Variants in CIZ1 observed in about 807,000 individuals in gnomAD.
The protein encoded by CIZ1 is cip1-interacting zinc finger protein.
A neutral mutation model predicts 118.6 loss-of-function variants in CIZ1; 58 were observed. That is an observed-to-expected ratio of 0.49 (90% CI 0.40 to 0.61). CIZ1 has a LOEUF of 0.61. CIZ1 is among the 20% of genes least tolerant of loss of function. CIZ1 has a pLI of 0.00. For missense variants in CIZ1, 921 were observed against 1,115.9 expected (o/e 0.83, Z 2.49); for synonymous variants, 448 against 443.4 (o/e 1.01, Z -0.13).
In CIZ1 at chr9:128,174,950, G is replaced by C. The variant is rs145286381; in HGVS notation, c.1943+1401C>G. Among the ~76,000 whole-genome samples, 1,412 of 152,274 alleles carry C rather than the reference G, an allele frequency of 9.3e-3. 25 individuals are homozygous for C. Among genetic ancestry groups the C allele is most frequent in the African/African-American group, 0.032 (1,324 of 41,540 alleles). On this transcript the variant is annotated intron_variant, in intron 11 of 16. Coordinates refer to ENST00000372938, the MANE Select transcript of CIZ1 (RefSeq NM_001131016.2). The stretch of plus-strand genomic sequence containing the variant: ...TAGGATTACAGGCCTGAGCCACTGC[G>C]CCTGACCATAATGTTCTTGATGGCC...
intron 5 of CIZ1, among the ~76,000 whole-genome samples, chr9:128,182,006 G>T (rs541393850): frequency 5.3e-4 from 81 of 152,322 alleles, no homozygotes; most frequent in Admixed American, 1.0e-3. Flanking sequence ...AATAGTCCCT[G>T]ATATGCAGAA....
In CIZ1 at chr9:128,190,453, T is replaced by G. The variant is rs768275804; in HGVS notation, c.171-9A>C. 48 of 1,594,608 alleles carry G rather than the reference T, an allele frequency of 3.0e-5. No individual in the cohort carries two copies. The highest frequency in any genetic ancestry group is 3.6e-5 in the Non-Finnish European group (42 of 1,165,118). The stretch of plus-strand genomic sequence containing the variant: ...GCTGCGGGGGGAGCCCCCTGTGTGT[T>G]GGGAGGGGGTGTCAGAGGGTTATTT... On this transcript the variant is annotated splice_polypyrimidine_tract_variant and intron_variant, in intron 2 of 16. Coordinates refer to ENST00000372938, the MANE Select transcript of CIZ1 (RefSeq NM_001131016.2).
chr9:128,170,251 T>C, intron 11 of CIZ1, 144 bp from the exon 12 acceptor site: 2 of 718,292 alleles, frequency 2.8e-6, no homozygotes, highest in Non-Finnish European at 4.7e-6. Context: ...CTGAGGTTCA[T>C]CTGGATGAGT....
Position 128,166,745 on chromosome 9 carries a change from G to A in CIZ1, c.2487+14C>T, listed in dbSNP as rs942060545. On this transcript the variant is annotated intron_variant, in intron 16 of 16. Transcript: ENST00000372938. The surrounding 1 kb of genome is among the most constrained non-coding windows in gnomAD (Gnocchi z 4.4). ...CTGTGGCCAGGGGAGGACAGGGCAG[G>A]ATGTCCGGCTCACCTGCAGGTTCTC... 38 of 1,614,052 alleles carry A rather than the reference G, an allele frequency of 2.4e-5. No individual in the cohort carries two copies. The highest frequency in any genetic ancestry group is 3.1e-5 in the Non-Finnish European group (36 of 1,180,020).
intron 1 of CIZ1, chr9:128,198,286 A>C (rs910391918): frequency 6.6e-6 from 1 of 152,324 alleles, no homozygotes; most frequent in African/African-American, 2.4e-5. Flanking sequence ...CCATTCCAGC[A>C]GGATGATCCC....
chr9:128,180,115 T>C (rs1006676994), intron 7 of CIZ1, among the ~76,000 whole-genome samples: 4 of 152,140 alleles, frequency 2.6e-5, no homozygotes, highest in Non-Finnish European at 5.9e-5. Flanking sequence ...ATGTATCCAA[T>C]TGGCTTTGTA....
rs1395427050 is a variant in CIZ1, at chr9:128,172,209, C to T, written c.1944-2102G>A. On this transcript the variant is annotated intron_variant, in intron 11 of 16. Transcript: ENST00000372938. ...AGAAAAGCCAAATACATGTAAAACC[C>T]TGGCTGGGCATGGTGGCTCACGCCT... Among the ~76,000 whole-genome samples, 5 of 150,182 alleles carry T rather than the reference C, an allele frequency of 3.3e-5. No individual in the cohort carries two copies. The East Asian group carries it at 9.9e-4, about 30-fold the overall frequency.
At chr9:128,179,797 G>A (rs527518714) in intron 7 of CIZ1, among the ~76,000 whole-genome samples, 25 of 152,130 alleles carry the variant, frequency 1.6e-4, no homozygotes, top group Middle Eastern at 3.4e-3. Flanking sequence ...CTCAGCCTCC[G>A]GAGTAGCTGG....
Position 128,166,562 on chromosome 9 carries a change from C to T in CIZ1, c.2488-156G>A, listed in dbSNP as rs533325252. 1.2e-5 allele frequency: 11 copies of T among 919,298 alleles called. No individual in the cohort carries two copies. Among genetic ancestry groups the T allele is most frequent in the East Asian group, 7.9e-5 (3 of 37,890 alleles). 56.9% of individuals were successfully genotyped at this position (919,298 alleles called of 1,614,324 possible). A position where few individuals can be genotyped will look rare whatever the true frequency, so the allele number is the denominator to read the frequency against. On this transcript the variant is annotated intron_variant, in intron 16 of 16. Transcript: ENST00000372938. This position sits in a 1 kb window ranked among gnomAD's most constrained non-coding sequence, Gnocchi z 4.4. ...CTCTCTGGGCCGTCTCTGGAGCTAA[C>T]AGCCTGGCACTCAGCATCCCCTTGA...
chr9:128,168,972 G>GCCT lies in CIZ1; in HGVS notation c.2295+77_2295+79dup. The stretch of plus-strand genomic sequence containing the variant: ...CCCACAGATGCCAGCCCAGTGTCTG[G>GCCT]CCTCCGGGAGGTGGGATGAGGTCTG... On this transcript the variant is annotated intron_variant, in intron 14 of 16. Coordinates refer to ENST00000372938, the MANE Select transcript of CIZ1 (RefSeq NM_001131016.2). 4.4e-6 allele frequency: 7 copies of GCCT among 1,590,306 alleles called. No individual in the cohort carries two copies. The South Asian group carries it at 8.0e-5, about 18-fold the overall frequency.
At position 128,190,440 on chromosome 9, in the gene CIZ1, G is replaced by A. The variant is rs1311753993; in HGVS notation, c.175C>T (p.Leu59Phe). The change falls in exon 3 of 17, where the codon CTC becomes TTC. Residue 59 changes from leucine (L) to phenylalanine (F), a missense_variant. Transcript: ENST00000372938. ...APLPMAVSRG[L>F]PPQQPQQPLL... ...GGCTGCTGTGGCTGCTGCGGGGGGA[G>A]CCCCCTGTGTGTTGGGAGGGGGTGT... 1.2e-6 allele frequency: 2 copies of A among 1,610,554 alleles called. No homozygotes were observed. Among genetic ancestry groups the A allele is most frequent in the East Asian group, 4.5e-5 (2 of 44,818 alleles).
intron 5 of CIZ1, 104 bp from the exon 6 acceptor site, chr9:128,180,918 T>C: frequency 1.2e-6 from 1 of 805,076 alleles, no homozygotes; most frequent in South Asian, 1.5e-5. Context: ...GACAGGGCCC[T>C]GAGGACCTCT....
At chr9:128,183,477 C>A (rs142876804) in intron 5 of CIZ1, among the ~76,000 whole-genome samples, 2 of 152,224 alleles carry the variant, frequency 1.3e-5, no homozygotes, top group African/African-American at 4.8e-5. Flanking sequence ...AGAAGTGGCC[C>A]GCCCTGGAGT....
chr9:128,180,335 T>G, intron 7 of CIZ1, 80 bp downstream of exon 7: 1 of 1,032,648 alleles, frequency 9.7e-7, no homozygotes, highest in Non-Finnish European at 1.5e-6. Flanking sequence ...GTGCACCCCC[T>G]CTGCCATTGC....
chr9:128,173,732 C>T (rs935083161), intron 11 of CIZ1, among the ~76,000 whole-genome samples: 3 of 152,094 alleles, frequency 2.0e-5, no homozygotes, highest in Non-Finnish European at 4.4e-5. Flanking sequence ...GCGGGCCGGG[C>T]ATGGTGGCTT....
rs550649811 is a variant in CIZ1, at chr9:128,191,532, C to T, written c.-106G>A. 61 of 1,026,634 alleles carry T rather than the reference C, an allele frequency of 5.9e-5. 1 individual carries two copies. The East Asian group carries it at 3.1e-3, about 52-fold the overall frequency. The allele number at this position is 1,026,634 out of a possible 1,614,324, so 63.6% of individuals were successfully genotyped here. On this transcript the variant is annotated 5_prime_UTR_variant, in exon 1 of 17. Transcript: ENST00000372938. This position sits in a 1 kb window ranked among gnomAD's most constrained non-coding sequence, Gnocchi z 5.5. ...CGGGCGGCTCCGGCCCGCGGGCTCC[C>T]GGCCTCCCCGCTGCTACTCCGGGGC...
Position 128,176,340 on chromosome 9 carries a change from C to A in CIZ1, c.1943+11G>T. 2 of 1,613,222 alleles carry A rather than the reference C, an allele frequency of 1.2e-6. No homozygotes were observed. The highest frequency in any genetic ancestry group is 1.7e-6 in the Non-Finnish European group (2 of 1,179,484). On this transcript the variant is annotated intron_variant, in intron 11 of 16. Coordinates refer to ENST00000372938, the MANE Select transcript of CIZ1 (RefSeq NM_001131016.2). The stretch of plus-strand genomic sequence containing the variant: ...CCCCCCAACACAGAGCTTCCACGAT[C>A]CCCCACTCACTCATCCTCTGTCTCC...
At chr9:128,202,532 C>T (rs995449343) in intron 1 of CIZ1, among the ~76,000 whole-genome samples, 1 of 152,266 alleles carries the variant, frequency 6.6e-6, no homozygotes, top group African/African-American at 2.4e-5. Flanking sequence ...GGCCTCTGCA[C>T]TTGCTGGTCA....
At chr9:128,170,476 AC>A (rs1829996232) in intron 11 of CIZ1, among the ~76,000 whole-genome samples, 1 of 152,136 alleles carries the variant, frequency 6.6e-6, no homozygotes, top group Non-Finnish European at 1.5e-5. Context: ...ACATGGGGAA[AC>A]CCCATCTCTA....
Sources: allele counts gnomAD v4.1 joint callset (sites outside exome capture counted in the v4.1 genomes callset), GRCh38; gene constraint gnomAD v4.1.1; non-coding constraint Gnocchi (gnomAD v3.1); transcripts MANE v1.5; gene names NCBI Gene and HGNC (gene_info 2026-07-23, HGNC 2026-07-21).